Variants in EIF4G3 observed in about 807,000 individuals in gnomAD.
EIF4G3 encodes the protein eukaryotic translation initiation factor 4 gamma 3.
EIF4G3 carries 34 observed loss-of-function variants against 186.4 expected under a neutral mutation model. That is an observed-to-expected ratio of 0.18 (90% CI 0.14 to 0.24). The LOEUF is 0.24. Ranked by LOEUF, EIF4G3 falls within the 10% of genes least tolerant of loss-of-function variation. The pLI, the probability that EIF4G3 is intolerant of heterozygous loss-of-function variation, is 1.00. For missense variants in EIF4G3, 1,536 were observed against 1,948.5 expected, an observed-to-expected ratio of 0.79 and a Z score of 3.99; for synonymous variants, 673 against 679.5, an observed-to-expected ratio of 0.99 and a Z score of 0.15.
intron 34 of EIF4G3, among the ~76,000 whole-genome samples, chr1:20,816,338 T>C (rs1224502448): frequency 6.6e-4 from 3 of 4,570 alleles, no homozygotes; most frequent in African/African-American, 1.2e-3. Flanking sequence ...GGGGGGGGGG[T>C]CGGCCAGCCG....
rs112846073 is a variant in EIF4G3 at position 21,170,178 on chromosome 1, A to AAAATAAATAAAT, written c.-272+5985_-272+5996dup. ...GCGACAAGAGTGAAACTCCATCTCAAAAATAAATAAATAAACAAACAAACA... is the reference window on the plus strand; with the variant it reads ...GCGACAAGAGTGAAACTCCATCTCAAAAATAAATAAATAAATAAATAAATAAACAAACAAACA... On this transcript the variant is annotated intron_variant, in intron 2 of 36. Coordinates refer to ENST00000602326, the MANE Select transcript of EIF4G3 (RefSeq NM_001391906.1). Among the ~76,000 whole-genome samples the AAAATAAATAAAT allele has an allele frequency of 1.7e-3, 254 of 147,068 alleles. 1 individual carries two copies. Among genetic ancestry groups the AAAATAAATAAAT allele is most frequent in the African/African-American group, 5.6e-3 (225 of 39,862 alleles).
intron 2 of EIF4G3, among the ~76,000 whole-genome samples, chr1:21,130,378 C>T (rs2097132022): frequency 6.6e-6 from 1 of 151,868 alleles, no homozygotes; most frequent in Non-Finnish European, 1.5e-5. Context: ...GTGCCCACCA[C>T]CACACTCAGC....
chr1:21,130,419 G>C (rs2097133118), intron 2 of EIF4G3, among the ~76,000 whole-genome samples: 1 of 151,464 alleles, frequency 6.6e-6, no homozygotes, highest in African/African-American at 2.4e-5. Context: ...AGTTGAGATG[G>C]GGTTTTGCCA....
In EIF4G3 at chr1:20,904,578, G is replaced by A. The variant is rs144585109; in HGVS notation, c.1752+305C>T. On this transcript the variant is annotated intron_variant, in intron 15 of 36. Transcript: ENST00000602326. Reference sequence around the variant, plus strand: ...TGCCCAGGTGGTCTCAAACTCCTGGGTTGCAGTGATCATCCTGCCTTCACC... The same window carrying A: ...TGCCCAGGTGGTCTCAAACTCCTGGATTGCAGTGATCATCCTGCCTTCACC... Among the ~76,000 whole-genome samples the A allele has an allele frequency of 5.1e-3, 784 of 152,234 alleles. 7 individuals carry two copies. Among genetic ancestry groups the A allele is most frequent in the African/African-American group, 0.018 (753 of 41,526 alleles).
chr1:21,035,146 C>T (rs1213375474), intron 4 of EIF4G3, among the ~76,000 whole-genome samples: 1 of 152,152 alleles, frequency 6.6e-6, no homozygotes, highest in African/African-American at 2.4e-5. Context: ...GGGTAGGACC[C>T]ACTCCCAGGC....
chr1:21,091,587 A>AT (rs957483144), intron 2 of EIF4G3, among the ~76,000 whole-genome samples: 4 of 151,830 alleles, frequency 2.6e-5, no homozygotes, highest in South Asian at 2.1e-4. Context: ...TTAAAAAAAA[A>AT]TTTTTTTTCC....
At position 20,936,589 on chromosome 1, in the gene EIF4G3, G is replaced by A. The variant is rs79867790; in HGVS notation, c.1663+4902C>T. On this transcript the variant is annotated intron_variant, in intron 14 of 36. Transcript: ENST00000602326. The stretch of plus-strand genomic sequence containing the variant: ...ATATATTTTAGAATATGTAAGTTGA[G>A]CAAAGGTTAGAATAAATTTTATTAT... Among the ~76,000 whole-genome samples the A allele has an allele frequency of 5.5e-3, 838 of 152,254 alleles. 12 individuals carry two copies. The highest frequency in any genetic ancestry group is 0.024 in the East Asian group (124 of 5,186).
intron 2 of EIF4G3, among the ~76,000 whole-genome samples, chr1:21,093,563 A>G (rs1224582611): frequency 6.6e-6 from 1 of 152,216 alleles, no homozygotes; most frequent in Non-Finnish European, 1.5e-5. Context: ...AGGATCTAGA[A>G]CTACAAATAC....
At chr1:21,091,642 T>C (rs2096205064) in intron 2 of EIF4G3, among the ~76,000 whole-genome samples, 1 of 152,176 alleles carries the variant, frequency 6.6e-6, no homozygotes, top group Admixed American at 6.5e-5. Context: ...TGTTCTTCCA[T>C]TTGTTTGTGT....
intron 12 of EIF4G3, among the ~76,000 whole-genome samples, chr1:20,953,014 T>C (rs1459033375): frequency 1.3e-5 from 2 of 152,222 alleles, no homozygotes; most frequent in Non-Finnish European, 2.9e-5. Flanking sequence ...TCCAATGCTG[T>C]ATGCATTTTG....
chr1:21,044,447 A>T (rs1213153578), intron 4 of EIF4G3, among the ~76,000 whole-genome samples: 1 of 152,088 alleles, frequency 6.6e-6, no homozygotes, highest in Non-Finnish European at 1.5e-5. Context: ...GCTTTTTTTA[A>T]ATTAAATTCC....
intron 2 of EIF4G3, among the ~76,000 whole-genome samples, chr1:21,128,222 G>T (rs545976343): frequency 7.8e-6 from 1 of 127,792 alleles, no homozygotes; most frequent in South Asian, 2.9e-4. Flanking sequence ...AAAAAAAAAA[G>T]TTTCGGCTGG....
Position 20,942,115 on chromosome 1 carries a change from G to T in EIF4G3, c.1039C>A (p.Pro347Thr). The T allele has an allele frequency of 6.2e-7, 1 of 1,614,142 alleles. No individual in the cohort carries two copies. ...APTSSALSSQ[P>T]IFTTAIDDRC... ...TCATCTATAGCAGTGGTGAATATTGGTTGGCTACTAAGAGCAGAAGAGGTG... is the reference window on the plus strand; with the variant it reads ...TCATCTATAGCAGTGGTGAATATTGTTTGGCTACTAAGAGCAGAAGAGGTG... The change falls in exon 14 of 37, where the codon CCA becomes ACA. Residue 347 changes from proline to threonine, a missense_variant. Pro to Thr is a conservative substitution (Grantham distance 38). Transcript: ENST00000602326.
intron 4 of EIF4G3, among the ~76,000 whole-genome samples, chr1:21,027,984 CAAA>C (rs1557602028): frequency 5.3e-5 from 8 of 152,250 alleles, no homozygotes; most frequent in African/African-American, 1.9e-4. Flanking sequence ...ACATATCCTA[CAAA>C]ATGGATGGAA....
At chr1:20,954,557 A>AG (rs1417066282) in intron 12 of EIF4G3, among the ~76,000 whole-genome samples, 2 of 150,834 alleles carry the variant, frequency 1.3e-5, no homozygotes, top group Non-Finnish European at 3.0e-5. Context: ...AAAAAAAAAA[A>AG]AAGAAGCAAA....
At chr1:21,104,134 A>G (rs1418027075) in intron 2 of EIF4G3, among the ~76,000 whole-genome samples, 1 of 152,192 alleles carries the variant, frequency 6.6e-6, no homozygotes, top group Non-Finnish European at 1.5e-5. Flanking sequence ...ATGACATTCA[A>G]TCTGTTAATT....
At chr1:20,967,492 T>C (rs781106578) in intron 12 of EIF4G3, among the ~76,000 whole-genome samples, 4 of 152,134 alleles carry the variant, frequency 2.6e-5, no homozygotes, top group Non-Finnish European at 5.9e-5. Context: ...CATTCCAAAA[T>C]TGGAATGTCC....
chr1:21,099,284 C>A (rs986759708), intron 2 of EIF4G3, among the ~76,000 whole-genome samples: 1 of 152,148 alleles, frequency 6.6e-6, no homozygotes, highest in Non-Finnish European at 1.5e-5. Context: ...ACATAAATGA[C>A]AACTTAAATT....
At chr1:20,934,533 A>G (rs1326874288) in intron 14 of EIF4G3, among the ~76,000 whole-genome samples, 5 of 152,120 alleles carry the variant, frequency 3.3e-5, no homozygotes, top group African/African-American at 4.8e-5. Context: ...AGTGTCCTCA[A>G]TGTTCTCAAT....
Sources: gnomAD v4.1 joint callset for allele counts (sites outside exome capture counted in the v4.1 genomes callset) on GRCh38, gnomAD v4.1.1 for gene constraint, MANE v1.5 for transcripts, NCBI Gene and HGNC (gene_info 2026-07-23, HGNC 2026-07-21) for gene names.